Variants in WNT2 observed in about 807,000 individuals in gnomAD.
WNT2 encodes the protein protein Wnt-2.
Under a neutral mutation model 36.9 loss-of-function variants are expected in WNT2, and 12 were observed. That is an observed-to-expected ratio of 0.33 (90% confidence interval 0.21 to 0.53). WNT2 has a LOEUF of 0.53. WNT2 is among the 20% of genes least tolerant of loss of function. The probability of loss-of-function intolerance (pLI) is 0.95; values close to 1 mark genes in which losing one functional copy is unlikely to be tolerated. For synonymous variants in WNT2, 163 were observed against 174.6 expected, an observed-to-expected ratio of 0.93 and a Z score of 0.52; for missense variants, 379 against 473.1, an observed-to-expected ratio of 0.80 and a Z score of 1.84.
At chr7:117,287,496 T>G (rs1794606483) in intron 4 of WNT2, among the ~76,000 whole-genome samples, 1 of 152,110 alleles carries the variant, frequency 6.6e-6, no homozygotes, top group African/African-American at 2.4e-5. Flanking sequence ...CTAACCTCCT[T>G]CATTAGGCCT....
At chr7:117,309,839 T>C (rs1795088422) in intron 3 of WNT2, among the ~76,000 whole-genome samples, 1 of 152,220 alleles carries the variant, frequency 6.6e-6, no homozygotes, top group Admixed American at 6.5e-5. Context: ...ATATGCTGAT[T>C]TTTTAATATT....
Position 117,277,995 on chromosome 7 carries a change from C to T in WNT2, c.*160G>A, listed in dbSNP as rs1327625053. ...GGCTTTAGGTGCAGCGTGTGGCCCC[C>T]CCATCCTGGGGCCCCCAGGGAGGAA... On this transcript the variant is annotated 3_prime_UTR_variant, in exon 5 of 5. Transcript: ENST00000265441. The T allele has an allele frequency of 6.8e-6, 5 of 736,706 alleles. No homozygotes were observed. Among genetic ancestry groups the T allele is most frequent in the Non-Finnish European group, 1.1e-5 (5 of 451,684 alleles). The allele number at this position is 736,706 out of a possible 1,614,324, so 45.6% of individuals were successfully genotyped here.
chr7:117,309,079 G>A (rs1266736364), intron 3 of WNT2, among the ~76,000 whole-genome samples: 1 of 151,802 alleles, frequency 6.6e-6, no homozygotes, highest in Non-Finnish European at 1.5e-5. Flanking sequence ...TGTGGTTTGA[G>A]CTCCTTGGGA....
chr7:117,280,407 G>T (rs1286724714), intron 4 of WNT2, among the ~76,000 whole-genome samples: 1 of 152,132 alleles, frequency 6.6e-6, no homozygotes. Flanking sequence ...AGCTGCTTGG[G>T]GCTTGGGGCA....
chr7:117,301,768 T>C (rs947834915), intron 3 of WNT2, among the ~76,000 whole-genome samples: 2 of 152,126 alleles, frequency 1.3e-5, no homozygotes, highest in Admixed American at 1.3e-4. Flanking sequence ...ATTTGAATTG[T>C]GATTTTGAAT....
At chr7:117,291,878 A>G (rs1401800885) in intron 4 of WNT2, among the ~76,000 whole-genome samples, 3 of 152,062 alleles carry the variant, frequency 2.0e-5, no homozygotes, top group African/African-American at 7.2e-5. Flanking sequence ...CCCAGGTTCA[A>G]GCAATTCTCC....
chr7:117,297,928 G>A, intron 3 of WNT2, 52 bp from the exon 4 acceptor site: 1 of 1,553,876 alleles, frequency 6.4e-7, no homozygotes. Context: ...GGTGACACAT[G>A]CTCCAACTCT....
At chr7:117,296,632 A>C (rs1030177066) in intron 4 of WNT2, among the ~76,000 whole-genome samples, 2 of 152,076 alleles carry the variant, frequency 1.3e-5, no homozygotes, top group African/African-American at 4.8e-5. Context: ...CTTATTTTGC[A>C]CTAGAATCTT....
intron 4 of WNT2, among the ~76,000 whole-genome samples, chr7:117,294,742 G>A (rs1448292692): frequency 6.6e-6 from 1 of 152,168 alleles, no homozygotes; most frequent in South Asian, 2.1e-4. Context: ...GCTTTCTTCA[G>A]AAAGCCAGCA....
At position 117,296,404 on chromosome 7, in the gene WNT2, C is replaced by T. The variant is rs558800366; in HGVS notation, c.853+1208G>A. Among the ~76,000 whole-genome samples, 24 of 152,316 alleles carry T rather than the reference C, an allele frequency of 1.6e-4. No homozygotes were observed. The South Asian group carries it at 1.7e-3, about 11-fold the overall frequency. Reference sequence around the variant, plus strand: ...AAGGCTTTGGCTTCCTTGTGACATTCCCTGGTAACTTTGCCTCTTGGTCAA... The same window carrying T: ...AAGGCTTTGGCTTCCTTGTGACATTTCCTGGTAACTTTGCCTCTTGGTCAA... On this transcript the variant is annotated intron_variant, in intron 4 of 4. Coordinates refer to ENST00000265441, the MANE Select transcript of WNT2 (RefSeq NM_003391.3).
At chr7:117,287,498 A>G (rs1358177989) in intron 4 of WNT2, among the ~76,000 whole-genome samples, 1 of 151,976 alleles carries the variant, frequency 6.6e-6, no homozygotes, top group Non-Finnish European at 1.5e-5. Context: ...AACCTCCTTC[A>G]TTAGGCCTGT....
At chr7:117,303,794 C>T (rs1361084416) in intron 3 of WNT2, among the ~76,000 whole-genome samples, 1 of 152,222 alleles carries the variant, frequency 6.6e-6, no homozygotes, top group Non-Finnish European at 1.5e-5. Flanking sequence ...ACCTTTGTAT[C>T]AATGAAGGAT....
chr7:117,289,047 T>C (rs1471364752), intron 4 of WNT2, among the ~76,000 whole-genome samples: 1 of 147,670 alleles, frequency 6.8e-6, no homozygotes, highest in African/African-American at 2.5e-5. Context: ...TAGTTCACGT[T>C]AGACTTTTTT....
intron 1 of WNT2, 127 bp from the exon 2 acceptor site, chr7:117,320,920 T>C: frequency 3.6e-6 from 3 of 842,660 alleles, no homozygotes; most frequent in East Asian, 5.4e-5. Flanking sequence ...CTGGTGATAT[T>C]AGAAAGCAAG....
chr7:117,277,097 T>G lies in WNT2; in HGVS notation c.*1058A>C, dbSNP rs1381293507. 6.5e-6 allele frequency: 1 copy of G among 152,798 alleles called. No individual in the cohort carries two copies. Among genetic ancestry groups the G allele is most frequent in the Non-Finnish European group, 1.5e-5 (1 of 68,386 alleles). The allele number at this position is 152,798 out of a possible 1,614,324, so 9.5% of individuals were successfully genotyped here. On this transcript the variant is annotated 3_prime_UTR_variant, in exon 5 of 5. Coordinates refer to ENST00000265441, the MANE Select transcript of WNT2 (RefSeq NM_003391.3). ...ACTTCTTTCAGGCATCTGCTTATTG[T>G]AAGGCCGCCCCAGGCACGAGTTAGC...
chr7:117,292,996 C>G (rs533246968), intron 4 of WNT2, among the ~76,000 whole-genome samples: 1 of 152,076 alleles, frequency 6.6e-6, no homozygotes, highest in Non-Finnish European at 1.5e-5. Flanking sequence ...AGAGGCAGTG[C>G]CAGTGGACTC....
At chr7:117,315,838 G>A (rs1052064315) in intron 2 of WNT2, among the ~76,000 whole-genome samples, 2 of 152,158 alleles carry the variant, frequency 1.3e-5, no homozygotes, top group Admixed American at 1.3e-4. Context: ...ATACTCATAT[G>A]CACTTAAATT....
chr7:117,304,626 G>T (rs1037507791), intron 3 of WNT2, among the ~76,000 whole-genome samples: 2 of 151,948 alleles, frequency 1.3e-5, no homozygotes, highest in Non-Finnish European at 2.9e-5. Flanking sequence ...AGTAGAGACG[G>T]GGTTTCACCA....
intron 4 of WNT2, among the ~76,000 whole-genome samples, chr7:117,287,877 A>G (rs2116335625): frequency 6.6e-6 from 1 of 152,158 alleles, no homozygotes; most frequent in East Asian, 1.9e-4. Context: ...AATCCCAGCT[A>G]CTCGGGAGGC....
Sources: allele counts gnomAD v4.1 joint callset (sites outside exome capture counted in the v4.1 genomes callset), GRCh38; gene constraint gnomAD v4.1.1; transcripts MANE v1.5; gene names NCBI Gene and HGNC (gene_info 2026-07-23, HGNC 2026-07-21).